GRIA4: variants seen among roughly 807,000 people sequenced by gnomAD.
GRIA4 encodes glutamate receptor 4.
GRIA4 carries 34 observed loss-of-function variants against 104.0 expected under a neutral mutation model. That is an observed-to-expected ratio of 0.33 (90% CI 0.25 to 0.44). The LOEUF (loss-of-function observed/expected upper bound fraction) is 0.44, where lower values mean the gene tolerates loss of function less well. GRIA4 is among the 20% of genes least tolerant of loss of function. The pLI, the probability that GRIA4 is intolerant of heterozygous loss-of-function variation, is 1.00. For missense variants in GRIA4, 750 were observed against 1,096.5 expected (o/e 0.68, Z 4.46); for synonymous variants, 386 against 381.9 (o/e 1.01, Z -0.13).
intron 4 of GRIA4, among the ~76,000 whole-genome samples, chr11:105,768,948 A>G (rs530051439): frequency 8.5e-5 from 13 of 152,212 alleles, no homozygotes; most frequent in African/African-American, 2.9e-4. Context: ...AAGACTTAAT[A>G]TAGCCTTTCA....
At chr11:105,753,986 T>C (rs1940160146) in intron 4 of GRIA4, among the ~76,000 whole-genome samples, 2 of 152,154 alleles carry the variant, frequency 1.3e-5, no homozygotes, top group African/African-American at 4.8e-5. Context: ...TTTGGGTTTT[T>C]ATGAAAGCTA....
chr11:105,610,917 C>G lies in GRIA4; in HGVS notation c.-81C>G. On this transcript the variant is annotated 5_prime_UTR_variant, in exon 2 of 17. Coordinates refer to ENST00000282499, the MANE Select transcript of GRIA4 (RefSeq NM_000829.4). ...TTGATTTTAATTTTAGCGCCATCGTCTTCAATGCTTCTCTGAACAGCCTTT... is the reference window on the plus strand; with the variant it reads ...TTGATTTTAATTTTAGCGCCATCGTGTTCAATGCTTCTCTGAACAGCCTTT... 6.1e-6 allele frequency: 3 copies of G among 489,196 alleles called. No individual in the cohort carries two copies. Among genetic ancestry groups the G allele is most frequent in the East Asian group, 4.1e-5 (1 of 24,144 alleles). 30.3% of individuals were successfully genotyped at this position (489,196 alleles called of 1,614,324 possible). A position where few individuals can be genotyped will look rare whatever the true frequency, so the allele number is the denominator to read the frequency against.
At chr11:105,643,695 TA>T (rs1187449925) in intron 3 of GRIA4, among the ~76,000 whole-genome samples, 17 of 152,056 alleles carry the variant, frequency 1.1e-4, no homozygotes, top group African/African-American at 4.1e-4. Flanking sequence ...CTCAGGTTTT[TA>T]AATTTTTTTT....
At chr11:105,641,000 A>AG (rs1951343282) in intron 3 of GRIA4, among the ~76,000 whole-genome samples, 1 of 152,050 alleles carries the variant, frequency 6.6e-6, no homozygotes, top group Non-Finnish European at 1.5e-5. Flanking sequence ...CCTAATTATT[A>AG]TTTTTTATGA....
intron 3 of GRIA4, among the ~76,000 whole-genome samples, chr11:105,637,896 C>T (rs1015056383): frequency 2.0e-5 from 3 of 152,134 alleles, no homozygotes; most frequent in Non-Finnish European, 4.4e-5. Flanking sequence ...CGATGAAAAA[C>T]TGGTTGCAAG....
chr11:105,731,450 T>C (rs1031436059), intron 3 of GRIA4, among the ~76,000 whole-genome samples: 1 of 152,118 alleles, frequency 6.6e-6, no homozygotes, highest in East Asian at 1.9e-4. Context: ...AGTTCAACCA[T>C]TGTGGAAGGC....
At chr11:105,960,853 C>G (rs1303092589) in intron 14 of GRIA4, among the ~76,000 whole-genome samples, 1 of 152,210 alleles carries the variant, frequency 6.6e-6, no homozygotes, top group African/African-American at 2.4e-5. Flanking sequence ...TCACCGCCTC[C>G]CGTGGCTGTG....
In GRIA4 at chr11:105,873,142, T is replaced by C. The variant is rs1003768464; in HGVS notation, c.672+10934T>C. Among the ~76,000 whole-genome samples, 44 of 152,288 alleles carry C rather than the reference T, an allele frequency of 2.9e-4. 1 individual carries two copies. The highest frequency in any genetic ancestry group is 1.1e-3 in the African/African-American group (44 of 41,548). ...CCCTGTGTCCCTATATTCTCATTGT[T>C]CAACTCTCACTTATGAGGGAGAACA... On this transcript the variant is annotated intron_variant, in intron 5 of 16. Coordinates refer to ENST00000282499, the MANE Select transcript of GRIA4 (RefSeq NM_000829.4).
chr11:105,777,742 G>T lies in GRIA4; in HGVS notation c.487+24522G>T, dbSNP rs145993553. On this transcript the variant is annotated intron_variant, in intron 4 of 16. Transcript: ENST00000282499. ...CATTTCACACACTGAAGTGACAACCGTTCATCTCAATCATTTTAATCTTAA... is the reference window on the plus strand; with the variant it reads ...CATTTCACACACTGAAGTGACAACCTTTCATCTCAATCATTTTAATCTTAA... 2.3e-3 allele frequency among the ~76,000 whole-genome samples: 355 copies of T among 152,156 alleles called. 2 individuals are homozygous for T. Among genetic ancestry groups the T allele is most frequent in the Non-Finnish European group, 3.9e-3 (266 of 67,990 alleles).
At chr11:105,923,701 A>G (rs1030512884) in intron 11 of GRIA4, among the ~76,000 whole-genome samples, 1 of 152,188 alleles carries the variant, frequency 6.6e-6, no homozygotes, top group African/African-American at 2.4e-5. Context: ...CTAGTGCCTT[A>G]TGATTATAAT....
At chr11:105,958,125 C>T (rs1428020663) in intron 14 of GRIA4, among the ~76,000 whole-genome samples, 1 of 152,190 alleles carries the variant, frequency 6.6e-6, no homozygotes, top group Non-Finnish European at 1.5e-5. Flanking sequence ...CCTGATTGCC[C>T]TGGCCAGAAC....
intron 14 of GRIA4, among the ~76,000 whole-genome samples, chr11:105,942,187 A>G (rs561719045): frequency 1.2e-4 from 18 of 152,194 alleles, no homozygotes; most frequent in Middle Eastern, 3.4e-3. Context: ...ATAGAATTGA[A>G]TAGGACCCAG....
intron 3 of GRIA4, among the ~76,000 whole-genome samples, chr11:105,631,583 A>T (rs991567818): frequency 4.6e-5 from 7 of 152,160 alleles, no homozygotes; most frequent in African/African-American, 1.7e-4. Context: ...CTACCAAGTT[A>T]TTTGCCCCTG....
intron 4 of GRIA4, among the ~76,000 whole-genome samples, chr11:105,770,001 A>G (rs1237009873): frequency 6.6e-6 from 1 of 152,084 alleles, no homozygotes; most frequent in South Asian, 2.1e-4. Flanking sequence ...GTATATTTCC[A>G]TATGTACTAA....
intron 10 of GRIA4, chr11:105,913,333 G>A: frequency 1.5e-5 from 9 of 619,124 alleles, no homozygotes; most frequent in Non-Finnish European, 1.8e-5. Context: ...TAACAGTGTT[G>A]TATATCTACA....
intron 4 of GRIA4, among the ~76,000 whole-genome samples, chr11:105,828,462 C>A (rs1435279297): frequency 6.6e-6 from 1 of 151,852 alleles, no homozygotes; most frequent in Non-Finnish European, 1.5e-5. Flanking sequence ...GAAATGCTAC[C>A]TAGGCAGCAC....
intron 14 of GRIA4, among the ~76,000 whole-genome samples, chr11:105,967,580 T>A (rs1183868343): frequency 6.6e-6 from 1 of 152,136 alleles, no homozygotes; most frequent in Non-Finnish European, 1.5e-5. Context: ...TGTTTTAGAA[T>A]GAACGCTATT....
At chr11:105,866,839 A>T (rs1433633452) in intron 5 of GRIA4, among the ~76,000 whole-genome samples, 1 of 152,016 alleles carries the variant, frequency 6.6e-6, no homozygotes, top group East Asian at 1.9e-4. Context: ...ATAGAAAACT[A>T]GAACAATATT....
intron 14 of GRIA4, among the ~76,000 whole-genome samples, chr11:105,936,073 A>AAC (rs1166170470): frequency 1.3e-5 from 2 of 152,090 alleles, no homozygotes; most frequent in African/African-American, 4.8e-5. Flanking sequence ...TGCCTTTGAG[A>AAC]ACACTGGAAG....
Sources: gnomAD v4.1 joint callset for allele counts (sites outside exome capture counted in the v4.1 genomes callset) on GRCh38, gnomAD v4.1.1 for gene constraint, MANE v1.5 for transcripts, NCBI Gene and HGNC (gene_info 2026-07-23, HGNC 2026-07-21) for gene names.